The following ABHD12 variants were observed in gnomAD, a reference collection of about 807,000 sequenced individuals.
ABHD12 encodes the protein lysophosphatidylserine lipase ABHD12.
In ABHD12, 43 loss-of-function variants were observed where a neutral mutation model predicts 58.3. That is an observed-to-expected ratio of 0.74 (90% CI 0.58 to 0.95). The LOEUF is 0.95. Among genes scored for constraint, ABHD12 ranks in the 40% least tolerant of loss-of-function variants. ABHD12 has a pLI of 0.00. For missense variants in ABHD12, 539 were observed against 537.2 expected (o/e 1.00, Z -0.03); for synonymous variants, 219 against 211.2 (o/e 1.04, Z -0.32).
intron 1 of ABHD12, among the ~76,000 whole-genome samples, chr20:25,355,113 T>C (rs2089650070): frequency 6.6e-6 from 1 of 152,158 alleles, no homozygotes; most frequent in African/African-American, 2.4e-5. Flanking sequence ...AGCACATTCC[T>C]GCTAAGCTAC....
chr20:25,334,934 C>G (rs1055913163), intron 2 of ABHD12, among the ~76,000 whole-genome samples: 79 of 151,912 alleles, frequency 5.2e-4, no homozygotes, highest in East Asian at 3.5e-3. Context: ...GCAATGGCAA[C>G]AAAAGCCAAA....
At chr20:25,356,944 G>A (rs976885660) in intron 1 of ABHD12, among the ~76,000 whole-genome samples, 19 of 152,148 alleles carry the variant, frequency 1.2e-4, no homozygotes, top group Non-Finnish European at 2.5e-4. Context: ...AGGCCAGCCT[G>A]GGCAATATAA....
At chr20:25,302,187 C>T (rs368948114) in intron 12 of ABHD12, 32 bp downstream of exon 12, 25 of 1,612,116 alleles carry the variant, frequency 1.6e-5, no homozygotes, top group South Asian at 2.2e-5. Context: ...GCTGCCCAGA[C>T]GAAGCCCCTG....
intron 2 of ABHD12, among the ~76,000 whole-genome samples, chr20:25,331,383 A>G (rs1466320023): frequency 6.6e-6 from 1 of 152,244 alleles, no homozygotes; most frequent in Non-Finnish European, 1.5e-5. Flanking sequence ...AACACTCTGC[A>G]GGATATTACC....
chr20:25,311,554 A>T (rs906680836), intron 6 of ABHD12, among the ~76,000 whole-genome samples: 2 of 152,180 alleles, frequency 1.3e-5, no homozygotes, highest in African/African-American at 4.8e-5. Flanking sequence ...CAACCCCCAC[A>T]TCCAGGTGAC....
chr20:25,312,859 C>T (rs1363936554), intron 6 of ABHD12, among the ~76,000 whole-genome samples: 5 of 148,330 alleles, frequency 3.4e-5, no homozygotes, highest in East Asian at 2.0e-4. Flanking sequence ...GGAGCGTCTC[C>T]GCCCGGCAGC....
At chr20:25,308,414 C>T in intron 8 of ABHD12, 43 bp downstream of exon 8, 2 of 1,602,786 alleles carry the variant, frequency 1.2e-6, no homozygotes, top group Non-Finnish European at 1.7e-6. Flanking sequence ...GGGGAGCACC[C>T]TGAATGCTCA....
intron 1 of ABHD12, among the ~76,000 whole-genome samples, chr20:25,354,824 T>C (rs188345318): frequency 7.9e-5 from 12 of 152,344 alleles, no homozygotes; most frequent in Admixed American, 2.0e-4. Context: ...CGTATTTTCT[T>C]AGAATGACAG....
At chr20:25,371,321 G>A (rs891868387) in intron 1 of ABHD12, among the ~76,000 whole-genome samples, 2 of 152,184 alleles carry the variant, frequency 1.3e-5, no homozygotes, top group African/African-American at 4.8e-5. Context: ...TTTCACTGTG[G>A]CTGGCCCTTA....
In ABHD12 at chr20:25,307,980, G is replaced by GGCTCTTA. The variant is rs397704714; in HGVS notation, c.846_852dup (p.His285Ter). On this transcript the variant is annotated stop_gained and frameshift_variant, in exon 9 of 13. Transcript: ENST00000339157. LOFTEE classifies it high-confidence loss of function. ...TCTGTACTTGCCACTGAAAATGGAT[G>GGCTCTTA]GCTCTTAGCTTCTTCGCGGATATTA... 2 of 1,601,976 alleles carry GGCTCTTA rather than the reference G, an allele frequency of 1.2e-6. No individual in the cohort carries two copies. The highest frequency in any genetic ancestry group is 1.7e-5 in the Admixed American group (1 of 59,992).
chr20:25,367,441 AT>A (rs2089838521), intron 1 of ABHD12, among the ~76,000 whole-genome samples: 1 of 152,094 alleles, frequency 6.6e-6, no homozygotes, highest in Non-Finnish European at 1.5e-5. Flanking sequence ...CATCATAACC[AT>A]TTTCACGTGT....
chr20:25,358,532 T>C (rs929693157), intron 1 of ABHD12, among the ~76,000 whole-genome samples: 3 of 152,194 alleles, frequency 2.0e-5, no homozygotes, highest in Admixed American at 1.3e-4. Context: ...TTTATCCCTC[T>C]TTCTTTGCTT....
At chr20:25,322,381 A>ATATATATATATATATATATT in intron 3 of ABHD12, among the ~76,000 whole-genome samples, 51 of 59,264 alleles carry the variant, frequency 8.6e-4, no homozygotes, top group African/African-American at 4.1e-3. Context: ...ATATATATAT[A>ATATATATATATATATATATT]TTTTTTTTTT....
intron 6 of ABHD12, among the ~76,000 whole-genome samples, chr20:25,312,628 G>A (rs1600777899): frequency 1.3e-5 from 2 of 151,884 alleles, no homozygotes; most frequent in South Asian, 2.1e-4. Flanking sequence ...GAGCGTCTCC[G>A]CCTGGCCGCC....
chr20:25,308,355 C>T (rs2088784891), intron 8 of ABHD12, 102 bp downstream of exon 8: 2 of 1,459,042 alleles, frequency 1.4e-6, no homozygotes, highest in African/African-American at 1.4e-5. Context: ...GAATGTGCAG[C>T]TCATGCTGCT....
intron 1 of ABHD12, among the ~76,000 whole-genome samples, chr20:25,361,389 C>G (rs1047399217): frequency 6.6e-6 from 1 of 151,966 alleles, no homozygotes. Flanking sequence ...GATAAACAGT[C>G]TATGCGTGTT....
chr20:25,302,474 C>A lies in ABHD12; in HGVS notation c.1030-128G>T, dbSNP rs181420034. On this transcript the variant is annotated intron_variant, in intron 11 of 12. Transcript: ENST00000339157. ...GAGTCCCACATACACTGCTTGTTGC[C>A]ACAGCCGGTCACGACCAGGAGGCCC... The A allele has an allele frequency of 4.0e-6, 5 of 1,264,056 alleles. No homozygotes were observed. The East Asian group carries it at 9.9e-5, about 25-fold the overall frequency. The allele number at this position is 1,264,056 out of a possible 1,614,324, so 78.3% of individuals were successfully genotyped here.
chr20:25,370,845 T>C (rs2089891489), intron 1 of ABHD12, among the ~76,000 whole-genome samples: 1 of 149,374 alleles, frequency 6.7e-6, no homozygotes, highest in Non-Finnish European at 1.5e-5. Context: ...TGTGCCTTTA[T>C]TGACTTTTTT....
At chr20:25,338,686 G>A (rs1006601689) in intron 2 of ABHD12, among the ~76,000 whole-genome samples, 4 of 152,074 alleles carry the variant, frequency 2.6e-5, no homozygotes, top group Non-Finnish European at 4.4e-5. Flanking sequence ...AAAGTACTGT[G>A]TATCTGGATT....
Sources: allele counts gnomAD v4.1 joint callset (sites outside exome capture counted in the v4.1 genomes callset), GRCh38; gene constraint gnomAD v4.1.1; transcripts MANE v1.5; gene names NCBI Gene and HGNC (gene_info 2026-07-23, HGNC 2026-07-21).